ALMS1: variants seen among roughly 807,000 people sequenced by gnomAD.
ALMS1 encodes the protein ALMS1 centrosome and basal body associated protein, also known as centrosome-associated protein ALMS1.
ALMS1 carries 271 observed loss-of-function variants against 352.2 expected under a neutral mutation model. The observed-to-expected ratio is 0.77, with a 90% CI of 0.70 to 0.85. ALMS1 has a LOEUF of 0.85. Among genes scored for constraint, ALMS1 ranks in the 40% least tolerant of loss-of-function variants. ALMS1 has a pLI of 0.00. For missense variants in ALMS1, 5,445 were observed against 4,870.7 expected, an observed-to-expected ratio of 1.12 and a Z score of -3.51; for synonymous variants, 1,865 against 1,761.2, an observed-to-expected ratio of 1.06 and a Z score of -1.48.
intron 16 of ALMS1, among the ~76,000 whole-genome samples, chr2:73,578,915 G>A (rs912380426): frequency 6.7e-6 from 1 of 148,912 alleles, no homozygotes; most frequent in Non-Finnish European, 1.5e-5. Context: ...TATGCCTTAA[G>A]CCTTATTTCT....
intron 15 of ALMS1, among the ~76,000 whole-genome samples, chr2:73,560,341 A>G (rs530242619): frequency 5.9e-5 from 9 of 152,328 alleles, no homozygotes; most frequent in Non-Finnish European, 1.3e-4. Context: ...CAAAACCACA[A>G]TGAGATATCA....
intron 14 of ALMS1, 114 bp from the exon 15 acceptor site, chr2:73,558,857 CT>C: frequency 4.3e-6 from 5 of 1,173,278 alleles, no homozygotes; most frequent in Non-Finnish European, 6.0e-6. Flanking sequence ...TCTGAGTCAT[CT>C]TTTTTCTTCA....
intron 10 of ALMS1, among the ~76,000 whole-genome samples, chr2:73,510,569 C>T (rs912452373): frequency 6.6e-6 from 1 of 152,202 alleles, no homozygotes; most frequent in African/African-American, 2.4e-5. Flanking sequence ...AGTTTGCTGC[C>T]TTCTCCTACC....
rs555416974 is a variant in ALMS1, at chr2:73,450,446, A to G, written c.3919A>G (p.Thr1307Ala). The change falls in exon 8 of 23, where the codon ACT becomes GCT. Residue 1307 changes from threonine to alanine, a missense_variant. Transcript: ENST00000613296. ...YQQSLPSSHL[T>A]EEAKNVSAVP... The stretch of plus-strand genomic sequence containing the variant: ...ACAGTCGTTGCCAAGTAGTCATCTA[A>G]CTGAAGAGGCTAAGAATGTTTCAGC... The G allele has an allele frequency of 3.7e-6, 6 of 1,611,610 alleles. No homozygotes were observed. Among genetic ancestry groups the G allele is most frequent in the Non-Finnish European group, 5.1e-6 (6 of 1,179,342 alleles).
chr2:73,423,223 G>T (rs1444766303), intron 4 of ALMS1, among the ~76,000 whole-genome samples: 3 of 152,082 alleles, frequency 2.0e-5, no homozygotes, highest in African/African-American at 7.2e-5. Context: ...GGCATTTCAG[G>T]CATATTTTAA....
intron 16 of ALMS1, among the ~76,000 whole-genome samples, chr2:73,598,742 T>A (rs1224336575): frequency 6.6e-6 from 1 of 152,358 alleles, no homozygotes; most frequent in East Asian, 1.9e-4. Flanking sequence ...ATATTAACAA[T>A]GAACAAGTTT....
intron 17 of ALMS1, 141 bp downstream of exon 17, chr2:73,599,662 A>G (rs965061126): frequency 3.6e-6 from 4 of 1,098,738 alleles, no homozygotes; most frequent in East Asian, 5.1e-5. Flanking sequence ...TCAGATTGGC[A>G]TAAATTCAAG....
chr2:73,602,347 A>T lies in ALMS1; in HGVS notation c.12277A>T (p.Met4093Leu). The T allele has an allele frequency of 1.2e-6, 2 of 1,614,142 alleles. No individual in the cohort carries two copies. The change falls in exon 20 of 23, where the codon ATG becomes TTG. Residue 4093 changes from methionine to leucine, a missense_variant. Coordinates refer to ENST00000613296, the MANE Select transcript of ALMS1 (RefSeq NM_001378454.1). ...GGAACGGCAGGGCCACCAGAATCGCATGTGCCCGCTGCCCAAGAGAGGTAC... is the reference window on the plus strand; with the variant it reads ...GGAACGGCAGGGCCACCAGAATCGCTTGTGCCCGCTGCCCAAGAGAGGTAC... Reference protein sequence around the residue: ...DRERQGHQNRMCPLPKRVFLA... With the variant: ...DRERQGHQNRLCPLPKRVFLA...
chr2:73,584,963 C>T (rs149526616), intron 16 of ALMS1, among the ~76,000 whole-genome samples: 3,833 of 152,250 alleles, frequency 0.025, 70 homozygotes, highest in Non-Finnish European at 0.039. Context: ...TATTTTATTC[C>T]TTTTTATGGC....
chr2:73,506,782 G>A (rs1673336869), intron 10 of ALMS1, among the ~76,000 whole-genome samples: 1 of 152,056 alleles, frequency 6.6e-6, no homozygotes, highest in African/African-American at 2.4e-5. Context: ...TCTTTCCCTT[G>A]CCCGATTGCC....
chr2:73,563,524 C>G (rs539913401), intron 15 of ALMS1, among the ~76,000 whole-genome samples: 2 of 151,878 alleles, frequency 1.3e-5, no homozygotes, highest in South Asian at 4.2e-4. Context: ...AGATCAAGAC[C>G]ATTCTGGCTA....
chr2:73,563,775 A>C (rs534076160), intron 15 of ALMS1, among the ~76,000 whole-genome samples: 1 of 151,530 alleles, frequency 6.6e-6, no homozygotes, highest in East Asian at 1.9e-4. Flanking sequence ...AATTATATGA[A>C]AACAACTCTT....
Position 73,572,531 on chromosome 2 carries a change from G to A in ALMS1, c.10654G>A (p.Val3552Met). ...YTRIKSLSINVNLGNKEVMDT... is the reference protein window; with the variant it reads ...YTRIKSLSINMNLGNKEVMDT... ...CAGAATAAAGAGCCTCAGCATCAAT[G>A]TGAATTTGGGAAACAAAGAAGTGAT... Residue 3552 changes from valine to methionine, a missense_variant, in exon 16 of 23, where the codon GTG becomes ATG. Physicochemically the swap from Val to Met is conservative, Grantham distance 21. Transcript: ENST00000613296. The A allele has an allele frequency of 6.2e-7, 1 of 1,613,750 alleles. No individual in the cohort carries two copies. Among genetic ancestry groups the A allele is most frequent in the Non-Finnish European group, 8.5e-7 (1 of 1,179,960 alleles).
Position 73,609,568 on chromosome 2 carries a change from AG to A in ALMS1, c.12464del (p.Arg4155LysfsTer2). On this transcript the variant is annotated frameshift_variant and splice_region_variant, in exon 23 of 23. Coordinates refer to ENST00000613296, the MANE Select transcript of ALMS1 (RefSeq NM_001378454.1). LOFTEE classifies it high-confidence loss of function. ...TTCCTGCCTTTCTTTTCTTCTACAG[AG>A]AGTGACCAATCAACTTCTGGGGAGA... ...YRLRAQLYKK[R>X]VTNQLLGRKV... 6.2e-7 allele frequency: 1 copy of A among 1,614,144 alleles called. No homozygotes were observed. Among genetic ancestry groups the A allele is most frequent in the Non-Finnish European group, 8.5e-7 (1 of 1,179,988 alleles).
chr2:73,528,073 A>G (rs551643619), intron 11 of ALMS1, among the ~76,000 whole-genome samples: 4 of 152,158 alleles, frequency 2.6e-5, no homozygotes, highest in South Asian at 2.1e-4. Flanking sequence ...TCCTTTCATT[A>G]TTGATTTCTA....
At chr2:73,408,572 A>C (rs1298985016) in intron 1 of ALMS1, 50 bp from the exon 2 acceptor site, 2 of 1,588,142 alleles carry the variant, frequency 1.3e-6, no homozygotes, top group Admixed American at 3.4e-5. Flanking sequence ...TTGTTGTATA[A>C]TCATAGTGAT....
intron 1 of ALMS1, among the ~76,000 whole-genome samples, chr2:73,407,683 T>A (rs1316116136): frequency 2.6e-5 from 4 of 152,130 alleles, no homozygotes; most frequent in Non-Finnish European, 4.4e-5. Context: ...GTGAATGTTT[T>A]AATTTTCCCT....
At position 73,490,227 on chromosome 2, in the gene ALMS1, A is replaced by T; in HGVS notation, c.8268A>T (p.Glu2756Asp). The stretch of plus-strand genomic sequence containing the variant: ...GGGTATTTAATTCTCATTTCACTGA[A>T]GAACAAAATCCTCCCAGAGATCTTA... ...SVGVFNSHFT[E>D]EQNPPRDLKQ... Residue 2756 changes from glutamate to aspartate, a missense_variant, in exon 10 of 23, where the codon GAA becomes GAT. Transcript: ENST00000613296. 6.2e-7 allele frequency: 1 copy of T among 1,614,178 alleles called. No individual in the cohort carries two copies. The highest frequency in any genetic ancestry group is 1.1e-5 in the South Asian group (1 of 91,080).
Position 73,452,702 on chromosome 2 carries a change from C to CA in ALMS1, c.6177dup (p.Gln2060ThrfsTer6). 3 of 1,613,746 alleles carry CA rather than the reference C, an allele frequency of 1.9e-6. No individual in the cohort carries two copies. The highest frequency in any genetic ancestry group is 2.5e-6 in the Non-Finnish European group (3 of 1,179,980). ...AACAGTAAAGCCCAATATTTTATTTCAACAGCAGTTGCCAGATAGAGATCA... is the reference window on the plus strand; with the variant it reads ...AACAGTAAAGCCCAATATTTTATTTCAAACAGCAGTTGCCAGATAGAGATCA... On this transcript the variant is annotated frameshift_variant, in exon 8 of 23. Coordinates refer to ENST00000613296, the MANE Select transcript of ALMS1 (RefSeq NM_001378454.1). LOFTEE classifies it high-confidence loss of function.
Sources: allele counts gnomAD v4.1 joint callset (sites outside exome capture counted in the v4.1 genomes callset), GRCh38; gene constraint gnomAD v4.1.1; transcripts MANE v1.5; gene names NCBI Gene and HGNC (gene_info 2026-07-23, HGNC 2026-07-21).